NEBL: variants seen among roughly 807,000 people sequenced by gnomAD.
NEBL encodes the protein nebulette, also known as LIM and SH3 protein 2.
NEBL carries 122 observed loss-of-function variants against 140.2 expected under a neutral mutation model. The ratio of observed to expected loss-of-function variants is 0.87; its 90% confidence interval spans 0.75 to 1.01. The LOEUF (loss-of-function observed/expected upper bound fraction) is 1.01, where lower values mean the gene tolerates loss of function less well. Among genes scored for constraint, NEBL ranks in the 50% least tolerant of loss-of-function variants. The pLI is 0.00. For synonymous variants in NEBL, 436 were observed against 398.9 expected, an observed-to-expected ratio of 1.09 and a Z score of -1.11; for missense variants, 1,365 against 1,231.3, an observed-to-expected ratio of 1.11 and a Z score of -1.62.
At position 20,858,192 on chromosome 10, in the gene NEBL, T is replaced by C. The variant is rs766573481; in HGVS notation, c.903+48A>G. 5 of 1,446,944 alleles carry C rather than the reference T, an allele frequency of 3.5e-6. No homozygotes were observed. The South Asian group carries it at 5.7e-5, about 17-fold the overall frequency. 89.6% of individuals were successfully genotyped at this position (1,446,944 alleles called of 1,614,324 possible). ...CATGAACGCTGCAGACATATTGGCT[T>C]CTTGGAGCCACAAGGCAACTACGGT... On this transcript the variant is annotated intron_variant, in intron 9 of 27. Transcript: ENST00000377122.
intron 1 of NEBL, among the ~76,000 whole-genome samples, chr10:21,286,387 AC>A (rs1316121543): frequency 6.6e-6 from 1 of 152,224 alleles, no homozygotes; most frequent in Non-Finnish European, 1.5e-5. Context: ...ATGAAATGCT[AC>A]CAACATTGTT....
intron 1 of NEBL, among the ~76,000 whole-genome samples, chr10:21,255,776 T>A (rs549651919): frequency 8.6e-5 from 13 of 152,022 alleles, no homozygotes; most frequent in Admixed American, 2.6e-4. Context: ...GGTGGGCAGA[T>A]CACGAGGTCA....
chr10:20,795,083 G>A (rs556415820), intron 26 of NEBL, among the ~76,000 whole-genome samples: 4 of 152,180 alleles, frequency 2.6e-5, no homozygotes, highest in African/African-American at 9.6e-5. Context: ...ACAAAACAGT[G>A]TGAGATTAAT....
At chr10:20,849,175 C>G (rs898464417) in intron 11 of NEBL, among the ~76,000 whole-genome samples, 3 of 152,016 alleles carry the variant, frequency 2.0e-5, no homozygotes. Flanking sequence ...CAGACAAAAC[C>G]TTGTGTGTCT....
chr10:20,937,127 T>C (rs1378345779), intron 4 of NEBL, among the ~76,000 whole-genome samples: 1 of 152,160 alleles, frequency 6.6e-6, no homozygotes, highest in Non-Finnish European at 1.5e-5. Context: ...GCACACAGAC[T>C]TCCCCAACTC....
At chr10:21,202,483 A>C (rs1375107065) in intron 3 of NEBL, among the ~76,000 whole-genome samples, 2 of 70,390 alleles carry the variant, frequency 2.8e-5, no homozygotes, top group Admixed American at 2.8e-4. Context: ...TTTTTTTTTG[A>C]AACAGAGTCT....
chr10:20,824,484 G>A (rs1426109582), intron 18 of NEBL, among the ~76,000 whole-genome samples: 1 of 152,186 alleles, frequency 6.6e-6, no homozygotes, highest in East Asian at 1.9e-4. Context: ...TTCAAAAATA[G>A]TTCTTAAGAC....
intron 13 of NEBL, among the ~76,000 whole-genome samples, chr10:20,836,204 A>ACTGTTATGG (rs1448521701): frequency 1.3e-5 from 2 of 150,614 alleles, no homozygotes; most frequent in Non-Finnish European, 1.5e-5. Context: ...AATATTTCAA[A>ACTGTTATGG]CTGTTATGGT....
chr10:21,045,506 G>T (rs1474110585), intron 2 of NEBL, among the ~76,000 whole-genome samples: 2 of 152,240 alleles, frequency 1.3e-5, no homozygotes, highest in Admixed American at 1.3e-4. Flanking sequence ...AATAAAGGGA[G>T]AAAGAAACTG....
At chr10:21,169,057 AAAAAAAAAAAATATATATATAT>A (rs1840932342) in intron 2 of NEBL, among the ~76,000 whole-genome samples, 3 of 43,656 alleles carry the variant, frequency 6.9e-5, no homozygotes, top group South Asian at 1.1e-3. Context: ...TACAAAAAAA[AAAAAAAAAAAATATATATATAT>A]ATATATATAT....
intron 2 of NEBL, chr10:21,113,383 G>T: frequency 2.4e-6 from 1 of 408,402 alleles, no homozygotes; most frequent in Non-Finnish European, 4.6e-6. Context: ...AACAAACACA[G>T]AAAAAGGTGG....
intron 3 of NEBL, among the ~76,000 whole-genome samples, chr10:21,002,299 C>T (rs985412764): frequency 5.3e-5 from 8 of 152,138 alleles, no homozygotes; most frequent in Admixed American, 4.6e-4. Context: ...GAAAAAACGT[C>T]ATATAGAATT....
At chr10:21,031,017 C>T (rs1047126490) in intron 2 of NEBL, among the ~76,000 whole-genome samples, 1 of 152,194 alleles carries the variant, frequency 6.6e-6, no homozygotes, top group Middle Eastern at 3.2e-3. Flanking sequence ...AAGCGTGATG[C>T]CCACGTGTGC....
chr10:20,823,899 G>A (rs1236971606), intron 18 of NEBL, among the ~76,000 whole-genome samples: 1 of 152,078 alleles, frequency 6.6e-6, no homozygotes, highest in Non-Finnish European at 1.5e-5. Context: ...GTATAAGGAA[G>A]GTCAGCGCCA....
At chr10:21,206,727 A>T (rs898611148) in intron 3 of NEBL, among the ~76,000 whole-genome samples, 19 of 152,184 alleles carry the variant, frequency 1.2e-4, no homozygotes, top group African/African-American at 4.6e-4. Context: ...TGAAGTATAG[A>T]GATCGTTGAC....
rs1836915678 is a variant in NEBL at position 21,091,612 on chromosome 10, C to T, written c.165-71411G>A. Among the ~76,000 whole-genome samples the T allele has an allele frequency of 2.0e-5, 3 of 152,034 alleles. No homozygotes were observed. In the South Asian group the frequency reaches 6.2e-4, roughly 32 times the overall value. ...AACTTATTAATTCATGCTTAGATTG[C>T]TACTTTCATTTTATTATATTATTTG... On this transcript the variant is annotated intron_variant, in intron 2 of 6. Coordinates refer to the NEBL transcript ENST00000417816.
chr10:21,134,242 A>T (rs1175482089), intron 2 of NEBL, among the ~76,000 whole-genome samples: 1 of 151,888 alleles, frequency 6.6e-6, no homozygotes, highest in Non-Finnish European at 1.5e-5. Context: ...AAAAAAAAAA[A>T]TCTAAGTAGG....
intron 13 of NEBL, among the ~76,000 whole-genome samples, chr10:20,838,317 T>C (rs1841091455): frequency 6.6e-6 from 1 of 151,940 alleles, no homozygotes; most frequent in Non-Finnish European, 1.5e-5. Flanking sequence ...CTTTGAGGGG[T>C]TCAAGACTTC....
intron 2 of NEBL, among the ~76,000 whole-genome samples, chr10:21,060,276 C>T (rs1036967642): frequency 6.6e-6 from 1 of 152,136 alleles, no homozygotes; most frequent in African/African-American, 2.4e-5. Context: ...CATTCCATCT[C>T]GACTCATTCT....
Sources: gnomAD v4.1 joint callset for allele counts (sites outside exome capture counted in the v4.1 genomes callset) on GRCh38, gnomAD v4.1.1 for gene constraint, MANE v1.5 for transcripts, NCBI Gene and HGNC (gene_info 2026-07-23, HGNC 2026-07-21) for gene names.